Variants in SDCBP observed in about 807,000 individuals in gnomAD.
The protein encoded by SDCBP is syntenin-1.
A neutral mutation model predicts 30.5 loss-of-function variants in SDCBP; 22 were observed. The observed-to-expected ratio is 0.72, with a 90% CI of 0.52 to 1.03. The LOEUF (loss-of-function observed/expected upper bound fraction) is 1.03. Ranked by LOEUF, SDCBP falls within the 50% of genes least tolerant of loss-of-function variation. The pLI is 0.00. For missense variants in SDCBP, 304 were observed against 369.9 expected (o/e 0.82, Z 1.46); for synonymous variants, 103 against 118.7 (o/e 0.87, Z 0.86).
At chr8:58,580,644 C>A in intron 8 of SDCBP, 36 bp downstream of exon 8, 5 of 1,062,938 alleles carry the variant, frequency 4.7e-6, no homozygotes, top group South Asian at 3.8e-5. Flanking sequence ...TGCATATGGT[C>A]ATGTGACTTA....
intron 5 of SDCBP, among the ~76,000 whole-genome samples, chr8:58,576,655 CCTTTA>C (rs1338412152): frequency 1.3e-5 from 2 of 152,204 alleles, no homozygotes; most frequent in East Asian, 1.9e-4. Flanking sequence ...ATTAGGGCAG[CCTTTA>C]CTTTATAATT....
Position 58,580,618 on chromosome 8 carries a change from C to A in SDCBP, c.842+10C>A, listed in dbSNP as rs186023251. 183 of 1,327,488 alleles carry A rather than the reference C, an allele frequency of 1.4e-4. 1 individual carries two copies. Among genetic ancestry groups the A allele is most frequent in the Non-Finnish European group, 2.7e-5 (25 of 919,600 alleles). 82.2% of individuals were successfully genotyped at this position (1,327,488 alleles called of 1,614,324 possible). A position where few individuals can be genotyped will look rare whatever the true frequency, so the allele number is the denominator to read the frequency against. ...AACATATTATTAAGCGGTAAGTAAA[C>A]AATTCCTCAACTTAATGCATATGGT... On this transcript the variant is annotated intron_variant, in intron 8 of 8. Coordinates refer to ENST00000260130, the MANE Select transcript of SDCBP (RefSeq NM_005625.4).
rs1805758059 is a variant in SDCBP, at chr8:58,582,711, A to C, written c.*971A>C. On this transcript the variant is annotated 3_prime_UTR_variant, in exon 9 of 9. Transcript: ENST00000260130. ...AACCTAGCTACTTTGGGATGGTCTT[A>C]GAATATTTTTCTGATAACTTGTTCC... 1 of 152,632 alleles carries C rather than the reference A, an allele frequency of 6.6e-6. No homozygotes were observed. The highest frequency in any genetic ancestry group is 1.5e-5 in the Non-Finnish European group (1 of 68,038). The allele number at this position is 152,632 out of a possible 1,614,324, so 9.5% of individuals were successfully genotyped here.
intron 5 of SDCBP, among the ~76,000 whole-genome samples, chr8:58,576,708 T>C (rs556790117): frequency 6.6e-6 from 1 of 152,354 alleles, no homozygotes; most frequent in East Asian, 1.9e-4. Flanking sequence ...TGAAACAGGG[T>C]TACTCTCTGA....
chr8:58,577,531 A>G (rs1805410507), intron 5 of SDCBP, among the ~76,000 whole-genome samples: 1 of 152,202 alleles, frequency 6.6e-6, no homozygotes, highest in Non-Finnish European at 1.5e-5. Flanking sequence ...AATTTAGCAA[A>G]TGGGTAAAGG....
intron 1 of SDCBP, among the ~76,000 whole-genome samples, chr8:58,559,961 A>G (rs1027779397): frequency 6.6e-6 from 1 of 152,212 alleles, no homozygotes; most frequent in African/African-American, 2.4e-5. Context: ...AGACTGAAAC[A>G]TCTGTGTGAC....
At chr8:58,578,418 C>A (rs1805471912) in intron 6 of SDCBP, 3 of 398,906 alleles carry the variant, frequency 7.5e-6, no homozygotes, top group Non-Finnish European at 8.9e-6. Context: ...GTTTATAGGA[C>A]AAATCTCTCT....
intron 1 of SDCBP, among the ~76,000 whole-genome samples, chr8:58,555,390 A>C (rs1443220430): frequency 2.0e-5 from 3 of 152,288 alleles, no homozygotes; most frequent in Non-Finnish European, 2.9e-5. Context: ...GCTGTCAGAG[A>C]ATGTCAAACT....
intron 1 of SDCBP, among the ~76,000 whole-genome samples, chr8:58,553,966 C>T (rs1803964159): frequency 1.3e-5 from 2 of 152,124 alleles, no homozygotes; most frequent in African/African-American, 4.8e-5. Context: ...AGATCTGACC[C>T]CTGAGATATG....
chr8:58,576,810 A>C (rs552963413), intron 5 of SDCBP, among the ~76,000 whole-genome samples: 7 of 152,322 alleles, frequency 4.6e-5, no homozygotes, highest in Admixed American at 3.9e-4. Context: ...TCAGTCATAC[A>C]TCTCTAGCTT....
intron 6 of SDCBP, among the ~76,000 whole-genome samples, chr8:58,578,804 T>G (rs1399410578): frequency 6.6e-6 from 1 of 152,228 alleles, no homozygotes; most frequent in African/African-American, 2.4e-5. Context: ...TCCTTCTCAG[T>G]GAAACTTCTG....
At position 58,576,019 on chromosome 8, in the gene SDCBP, T is replaced by A. The variant is rs757472608; in HGVS notation, c.360T>A (p.Asp120Glu). The change falls in exon 5 of 9, where the codon GAT (aspartate) becomes GAA (glutamate). Residue 120 changes from aspartate to glutamate, a missense_variant. By Grantham distance (45) the Asp-to-Glu change is conservative. Transcript: ENST00000260130. Reference sequence around the variant, plus strand: ...TTCGTGAAGTCATTTTGTGTAAGGATCAAGATGGAAAAATTGGACTCAGGC... The same window carrying A: ...TTCGTGAAGTCATTTTGTGTAAGGAACAAGATGGAAAAATTGGACTCAGGC... ...QGIREVILCK[D>E]QDGKIGLRLK... 8.7e-6 allele frequency: 14 copies of A among 1,613,558 alleles called. No homozygotes were observed. The highest frequency in any genetic ancestry group is 4.0e-5 in the African/African-American group (3 of 74,912).
chr8:58,560,456 C>G (rs548087604), intron 1 of SDCBP: 49 of 152,236 alleles, frequency 3.2e-4, no homozygotes, highest in African/African-American at 7.5e-4. Flanking sequence ...AGAGCTACCC[C>G]CAAGGGACTG....
At chr8:58,576,242 T>G in intron 5 of SDCBP, 181 bp downstream of exon 5, 1 of 559,806 alleles carries the variant, frequency 1.8e-6, no homozygotes, top group East Asian at 3.0e-5. Flanking sequence ...AGAGGCATAG[T>G]TGGGACTTCT....
chr8:58,559,895 G>A (rs1804344314), intron 1 of SDCBP, among the ~76,000 whole-genome samples: 1 of 152,198 alleles, frequency 6.6e-6, no homozygotes, highest in Non-Finnish European at 1.5e-5. Flanking sequence ...GGCTCAGCAT[G>A]GCATGAGCAA....
chr8:58,555,968 A>C (rs1479538756), intron 1 of SDCBP, among the ~76,000 whole-genome samples: 1 of 152,158 alleles, frequency 6.6e-6, no homozygotes, highest in Non-Finnish European at 1.5e-5. Flanking sequence ...CTTTACTAGA[A>C]ATTTTAATAA....
intron 2 of SDCBP, among the ~76,000 whole-genome samples, chr8:58,568,967 G>A (rs1016699405): frequency 3.3e-5 from 5 of 151,780 alleles, no homozygotes; most frequent in Admixed American, 1.3e-4. Flanking sequence ...TCACTGCAGC[G>A]TCCATCCTCC....
chr8:58,579,914 T>A, intron 7 of SDCBP, 120 bp downstream of exon 7: 5 of 900,716 alleles, frequency 5.6e-6, no homozygotes, highest in Non-Finnish European at 8.1e-6. Context: ...ACGTGGGGCC[T>A]GAACTCTTGG....
chr8:58,576,069 T>C lies in SDCBP; in HGVS notation c.402+8T>C, dbSNP rs562236200. 5 of 1,581,932 alleles carry C rather than the reference T, an allele frequency of 3.2e-6. No individual in the cohort carries two copies. The East Asian group carries it at 1.1e-4, about 35-fold the overall frequency. On this transcript the variant is annotated splice_region_variant and intron_variant, in intron 5 of 8. Transcript: ENST00000260130. ...CTTAAATCAATAGATAATGTAAGTA[T>C]TTTAAATACCTATTTGAATTTGTCT...
Sources: gnomAD v4.1 joint callset for allele counts (sites outside exome capture counted in the v4.1 genomes callset) on GRCh38, gnomAD v4.1.1 for gene constraint, MANE v1.5 for transcripts, NCBI Gene and HGNC (gene_info 2026-07-23, HGNC 2026-07-21) for gene names.